TTC29: variants seen among roughly 807,000 people sequenced by gnomAD.
The protein encoded by TTC29 is tetratricopeptide repeat protein 29.
Under a neutral mutation model 58.1 loss-of-function variants are expected in TTC29, and 49 were observed. The observed-to-expected ratio is 0.84, with a 90% CI of 0.67 to 1.07. The LOEUF (loss-of-function observed/expected upper bound fraction) is 1.07, where lower values mean the gene tolerates loss of function less well. TTC29 is among the 50% of genes least tolerant of loss of function. The pLI is 0.00. For missense variants in TTC29, 582 were observed against 555.6 expected (o/e 1.05, Z -0.48); for synonymous variants, 209 against 196.8 (o/e 1.06, Z -0.52).
chr4:146,922,061 T>C (rs1226257654), intron 4 of TTC29, among the ~76,000 whole-genome samples: 1 of 148,460 alleles, frequency 6.7e-6, no homozygotes, highest in African/African-American at 2.5e-5. Flanking sequence ...AACTACTCAC[T>C]GCAAATTTAG....
At chr4:146,841,481 G>C (rs933398851) in intron 8 of TTC29, among the ~76,000 whole-genome samples, 2 of 152,058 alleles carry the variant, frequency 1.3e-5, no homozygotes, top group Non-Finnish European at 2.9e-5. Context: ...AAACACCATA[G>C]AAGCCATCAT....
chr4:146,871,137 C>T (rs1011359546), intron 7 of TTC29, among the ~76,000 whole-genome samples: 9 of 151,876 alleles, frequency 5.9e-5, no homozygotes, highest in East Asian at 1.9e-4. Context: ...TTATACACCA[C>T]GATCAAGTGG....
intron 11 of TTC29, among the ~76,000 whole-genome samples, chr4:146,712,953 G>T (rs1742619710): frequency 6.6e-6 from 1 of 152,034 alleles, no homozygotes; most frequent in African/African-American, 2.4e-5. Flanking sequence ...GAGGGACAGA[G>T]GAATAGTATT....
intron 7 of TTC29, 21 bp downstream of exon 7, chr4:146,874,695 A>G: frequency 6.4e-7 from 1 of 1,563,130 alleles, no homozygotes. Flanking sequence ...AAGCAATGTG[A>G]GAGAGTTCTT....
intron 11 of TTC29, among the ~76,000 whole-genome samples, chr4:146,787,309 A>G (rs1400497120): frequency 6.6e-6 from 1 of 152,162 alleles, no homozygotes; most frequent in African/African-American, 2.4e-5. Context: ...TTCTACTTAA[A>G]CATCATGCTC....
intron 10 of TTC29, among the ~76,000 whole-genome samples, chr4:146,804,524 C>T (rs925453679): frequency 3.3e-5 from 5 of 152,098 alleles, no homozygotes; most frequent in Non-Finnish European, 2.9e-5. Flanking sequence ...CTGAAGTCAA[C>T]CTGGGATGCT....
chr4:146,828,725 G>T (rs867102889), intron 9 of TTC29, among the ~76,000 whole-genome samples: 8 of 151,990 alleles, frequency 5.3e-5, no homozygotes, highest in Non-Finnish European at 1.0e-4. Context: ...TTCTTCCAAA[G>T]GAGCAATAGA....
intron 11 of TTC29, among the ~76,000 whole-genome samples, chr4:146,748,108 C>T (rs1561085281): frequency 6.6e-6 from 1 of 152,194 alleles, no homozygotes; most frequent in Non-Finnish European, 1.5e-5. Context: ...TTCTGAAGCT[C>T]GAGCTGCCAG....
At chr4:146,801,652 T>C (rs1384093467) in intron 11 of TTC29, among the ~76,000 whole-genome samples, 2 of 151,330 alleles carry the variant, frequency 1.3e-5, no homozygotes, top group Admixed American at 1.3e-4. Context: ...ACATAAAAAG[T>C]ATAGAAAAAT....
At chr4:146,929,709 A>C (rs1056223408) in intron 4 of TTC29, among the ~76,000 whole-genome samples, 1 of 152,064 alleles carries the variant, frequency 6.6e-6, no homozygotes. Context: ...TGTTCCTGAT[A>C]TTCTTCTTAT....
intron 11 of TTC29, among the ~76,000 whole-genome samples, chr4:146,773,613 G>T (rs191133733): frequency 1.7e-4 from 26 of 151,700 alleles, no homozygotes; most frequent in African/African-American, 6.0e-4. Context: ...GATTAGTTTG[G>T]TGATATACTG....
intron 10 of TTC29, among the ~76,000 whole-genome samples, chr4:146,814,804 C>G (rs1349517508): frequency 6.6e-6 from 1 of 150,870 alleles, no homozygotes; most frequent in Non-Finnish European, 1.5e-5. Flanking sequence ...GAAGGCCCCA[C>G]TGAAGAGGTG....
At chr4:146,821,994 T>G (rs7679775) in intron 9 of TTC29, among the ~76,000 whole-genome samples, 9 of 144,774 alleles carry the variant, frequency 6.2e-5, no homozygotes, top group East Asian at 2.2e-4. Flanking sequence ...TGTTTTTTTT[T>G]TTTTTTTTTT....
intron 11 of TTC29, among the ~76,000 whole-genome samples, chr4:146,756,500 T>C (rs571858002): frequency 1.3e-5 from 2 of 152,266 alleles, no homozygotes; most frequent in East Asian, 1.9e-4. Context: ...TTTAGGGTGA[T>C]GGTAAGAGTA....
chr4:146,876,487 G>A (rs1026398226), intron 6 of TTC29, among the ~76,000 whole-genome samples: 2 of 152,180 alleles, frequency 1.3e-5, no homozygotes, highest in Non-Finnish European at 2.9e-5. Flanking sequence ...GTGGGTTGGA[G>A]CTACTTCCAT....
At chr4:146,817,064 G>A (rs58195224) in intron 10 of TTC29, among the ~76,000 whole-genome samples, 47,743 of 151,922 alleles carry the variant, frequency 0.31, 8,184 homozygotes, top group African/African-American at 0.45. Context: ...TCAACATAGC[G>A]TTGGAAGTTC....
At chr4:146,872,479 A>G (rs1730995639) in intron 7 of TTC29, among the ~76,000 whole-genome samples, 1 of 152,122 alleles carries the variant, frequency 6.6e-6, no homozygotes. Context: ...AAATATTTTC[A>G]AATCGTATAT....
chr4:146,817,158 G>T (rs1055075462), intron 10 of TTC29, among the ~76,000 whole-genome samples: 1 of 152,164 alleles, frequency 6.6e-6, no homozygotes, highest in Non-Finnish European at 1.5e-5. Flanking sequence ...GTTTGCAGAC[G>T]ACATGATTGT....
intron 5 of TTC29, among the ~76,000 whole-genome samples, chr4:146,905,921 TA>T (rs1010055173): frequency 6.6e-6 from 1 of 152,218 alleles, no homozygotes; most frequent in African/African-American, 2.4e-5. Flanking sequence ...ATCAAATCTG[TA>T]AACACCTGTG....
Sources: allele counts gnomAD v4.1 joint callset (sites outside exome capture counted in the v4.1 genomes callset), GRCh38; gene constraint gnomAD v4.1.1; transcripts MANE v1.5; gene names NCBI Gene and HGNC (gene_info 2026-07-23, HGNC 2026-07-21).